The following LAMC2 variants were observed in gnomAD, a reference collection of about 807,000 sequenced individuals.
LAMC2 encodes the protein laminin subunit gamma 2.
LAMC2 carries 97 observed loss-of-function variants against 140.2 expected under a neutral mutation model. That is an observed-to-expected ratio of 0.69 (90% CI 0.59 to 0.82). The LOEUF (loss-of-function observed/expected upper bound fraction) is 0.82. Among genes scored for constraint, LAMC2 ranks in the 40% least tolerant of loss-of-function variants. The pLI is 0.00. For missense variants in LAMC2, 1,402 were observed against 1,476.1 expected (o/e 0.95, Z 0.82); for synonymous variants, 513 against 540.2 (o/e 0.95, Z 0.70).
chr1:183,234,490 A>G (rs1659893355), intron 15 of LAMC2, 44 bp downstream of exon 15: 4 of 1,450,636 alleles, frequency 2.8e-6, no homozygotes, highest in Non-Finnish European at 3.9e-6. Context: ...CCGTCTCTGC[A>G]AGGCCAGACT....
chr1:183,232,077 A>T lies in LAMC2; in HGVS notation c.1858-110A>T, dbSNP rs1251322687. ...GGTCTAAAATTTTAACCACCATGAC[A>T]TGCTAAGCATTTCTGGACTTTTAGT... is the stretch of plus-strand genomic sequence containing the variant. On this transcript the variant is annotated intron_variant, in intron 12 of 22. Transcript: ENST00000264144. The T allele has an allele frequency of 1.2e-5, 16 of 1,379,570 alleles. 1 individual carries two copies. The South Asian group carries it at 1.9e-4, about 16-fold the overall frequency. 85.5% of individuals were successfully genotyped at this position (1,379,570 alleles called of 1,614,324 possible).
At chr1:183,252,796 G>T in the LAMC2 span, 1 of 1,339,282 alleles carries the variant, frequency 7.5e-7, no homozygotes, top group Non-Finnish European at 1.1e-6. Context: ...AAGCAAGTCA[G>T]GAGGACTGGC....
At chr1:183,186,851 C>A (rs1300148091) in intron 1 of LAMC2, among the ~76,000 whole-genome samples, 1 of 152,174 alleles carries the variant, frequency 6.6e-6, no homozygotes, top group East Asian at 1.9e-4. Flanking sequence ...CTTCAATAAT[C>A]CTGTAATTGA....
Position 183,243,069 on chromosome 1 carries a change from G to A in LAMC2, c.3329-78G>A, listed in dbSNP as rs182373509. 9.5e-4 allele frequency: 1,442 copies of A among 1,517,806 alleles called. 1 individual carries two copies. Among genetic ancestry groups the A allele is most frequent in the Non-Finnish European group, 1.2e-3 (1,352 of 1,097,620 alleles). 94.0% of individuals were successfully genotyped at this position (1,517,806 alleles called of 1,614,324 possible). On this transcript the variant is annotated intron_variant, in intron 22 of 22. Transcript: ENST00000264144. ...AAGTGGAAATGGGAATTAGTTATGGGTATAGAAGGGCACGGGTGTTCAAGG... is the reference window on the plus strand; with the variant it reads ...AAGTGGAAATGGGAATTAGTTATGGATATAGAAGGGCACGGGTGTTCAAGG...
Position 183,223,264 on chromosome 1 carries a change from C to T in LAMC2, c.893C>T (p.Ala298Val). 2.5e-6 allele frequency: 4 copies of T among 1,614,228 alleles called. No homozygotes were observed. The highest frequency in any genetic ancestry group is 3.4e-6 in the Non-Finnish European group (4 of 1,180,038). The change falls in exon 7 of 23, where the codon GCT becomes GTT. Residue 298 changes from alanine (A) to valine (V), a missense_variant. This residue lies in a region of LAMC2 where 723 missense variants were observed against 783.3 expected (regional missense o/e 0.92). Coordinates refer to ENST00000264144, the MANE Select transcript of LAMC2 (RefSeq NM_005562.3). ...ILEGAGLRITAPLMPLGKTLP... is the reference protein window; with the variant it reads ...ILEGAGLRITVPLMPLGKTLP... ...GAAGGTGCTGGTCTACGGATCACAG[C>T]TCCCTTGATGCCACTTGGCAAGACA...
intron 1 of LAMC2, among the ~76,000 whole-genome samples, chr1:183,205,642 A>G (rs749749201): frequency 9.9e-5 from 15 of 152,214 alleles, no homozygotes; most frequent in Non-Finnish European, 1.9e-4. Flanking sequence ...CTTGGAGATG[A>G]CAGATCTGTA....
In LAMC2 at chr1:183,216,200, C is replaced by G. The variant is rs1571519196; in HGVS notation, c.404+612C>G. Among the ~76,000 whole-genome samples, 9 of 152,306 alleles carry G rather than the reference C, an allele frequency of 5.9e-5. 1 individual carries two copies. The South Asian group carries it at 1.9e-3, about 32-fold the overall frequency. The stretch of plus-strand genomic sequence containing the variant: ...GAGGCGCGTCCCATTGCCCACTTTG[C>G]TGGCTCCTTGCTGGGACAGGAGCTG... On this transcript the variant is annotated intron_variant, in intron 3 of 22. Transcript: ENST00000264144.
intron 1 of LAMC2, among the ~76,000 whole-genome samples, chr1:183,191,868 A>G (rs1483108369): frequency 6.8e-6 from 1 of 146,860 alleles, no homozygotes; most frequent in Non-Finnish European, 1.5e-5. Context: ...CAAAAAAAAA[A>G]GAGAGATCAA....
intron 1 of LAMC2, among the ~76,000 whole-genome samples, chr1:183,195,912 A>T (rs1260856216): frequency 6.6e-6 from 1 of 152,200 alleles, no homozygotes; most frequent in African/African-American, 2.4e-5. Context: ...AAAACTAGAA[A>T]AGTCCTTATA....
At chr1:183,230,724 TA>T (rs1317788984) in intron 11 of LAMC2, among the ~76,000 whole-genome samples, 3 of 152,320 alleles carry the variant, frequency 2.0e-5, no homozygotes, top group African/African-American at 7.2e-5. Context: ...AATAGGCTTT[TA>T]GTTTAACAGG....
At chr1:183,256,353 G>A in the LAMC2 span, among the ~76,000 whole-genome samples, 2 of 152,122 alleles carry the variant, frequency 1.3e-5, no homozygotes, top group Non-Finnish European at 2.9e-5. Flanking sequence ...AGGTTGCAGT[G>A]AGCAGAGATT....
At chr1:183,238,445 A>T in intron 19 of LAMC2, 24 bp downstream of exon 19, 3 of 1,506,050 alleles carry the variant, frequency 2.0e-6, no homozygotes, top group Non-Finnish European at 2.8e-6. Context: ...GGTTCAGGTC[A>T]CTTGAGTATT....
chr1:183,247,338 C>A (rs1453486218), downstream of LAMC2, among the ~76,000 whole-genome samples: 1 of 151,852 alleles, frequency 6.6e-6, no homozygotes, highest in East Asian at 1.9e-4. Flanking sequence ...AAAAACAAAA[C>A]TCAAAGCAAA....
chr1:183,217,222 T>C (rs527674922), intron 3 of LAMC2, among the ~76,000 whole-genome samples: 38 of 152,216 alleles, frequency 2.5e-4, no homozygotes, highest in Non-Finnish European at 5.0e-4. Context: ...ACAATAAACT[T>C]GGTTTTTGAG....
At chr1:183,234,500 T>A in intron 15 of LAMC2, 54 bp downstream of exon 15, 1 of 1,383,254 alleles carries the variant, frequency 7.2e-7, no homozygotes, top group Non-Finnish European at 1.0e-6. Flanking sequence ...AAGGCCAGAC[T>A]TGAATAAGAG....
chr1:183,231,055 G>A lies in LAMC2; in HGVS notation c.1809G>A (p.Glu603=). 6.2e-7 allele frequency: 1 copy of A among 1,614,144 alleles called. No individual in the cohort carries two copies. Among genetic ancestry groups the A allele is most frequent in the Non-Finnish European group, 8.5e-7 (1 of 1,180,018 alleles). Residue 603 remains glutamate (E), a synonymous_variant, in exon 12 of 23, where the codon GAG becomes GAA. Transcript: ENST00000264144. The part of the protein sequence containing the change: ...CKPGFGGPNC[E]HGAFSCPACY... ...CAGGATTTGGTGGCCCCAACTGTGA[G>A]CATGGAGCATTCAGCTGTCCAGCTT...
chr1:183,194,225 T>C (rs1405310612), intron 1 of LAMC2, among the ~76,000 whole-genome samples: 1 of 147,452 alleles, frequency 6.8e-6, no homozygotes, highest in Non-Finnish European at 1.5e-5. Context: ...CAGCCAGCAA[T>C]ACAGTTTTAA....
chr1:183,198,952 T>A (rs1443313482), intron 1 of LAMC2, among the ~76,000 whole-genome samples: 1 of 152,122 alleles, frequency 6.6e-6, no homozygotes, highest in Non-Finnish European at 1.5e-5. Context: ...TCACCATGGA[T>A]TTTTTTGCTT....
chr1:183,186,384 G>A lies in LAMC2; in HGVS notation c.32G>A (p.Cys11Tyr). ...GCGCTCTGGCTGGGCTGCTGCCTCT[G>A]CTTCTCGCTCCTCCTGCCCGCAGCC... MPALWLGCCL[C>Y]FSLLLPAARA... is the part of the protein sequence containing the mutation. The change falls in exon 1 of 23, where the codon TGC becomes TAC. Residue 11 changes from cysteine (C) to tyrosine (Y), a missense_variant. By Grantham distance (194) the Cys-to-Tyr change is radical. Around this residue, in one of 3 missense-constraint regions of LAMC2, gnomAD observed 723 missense variants for 783.3 expected, o/e 0.92. Transcript: ENST00000264144. 6.2e-7 allele frequency: 1 copy of A among 1,605,722 alleles called. No homozygotes were observed. The highest frequency in any genetic ancestry group is 1.1e-5 in the South Asian group (1 of 90,854).
Sources: allele counts gnomAD v4.1 joint callset (sites outside exome capture counted in the v4.1 genomes callset), GRCh38; gene constraint gnomAD v4.1.1; regional missense constraint gnomAD v4.1.1; transcripts MANE v1.5; gene names NCBI Gene and HGNC (gene_info 2026-07-23, HGNC 2026-07-21).